The following GLRA3 variants were observed in gnomAD, a reference collection of about 807,000 sequenced individuals.
The protein encoded by GLRA3 is glycine receptor subunit alpha-3.
GLRA3 carries 44 observed loss-of-function variants against 60.4 expected under a neutral mutation model. The observed-to-expected ratio is 0.73, with a 90% CI of 0.57 to 0.94. The LOEUF (loss-of-function observed/expected upper bound fraction) is 0.94, where lower values mean the gene tolerates loss of function less well. GLRA3 is among the 40% of genes least tolerant of loss of function. The probability of loss-of-function intolerance (pLI) is 0.00; values close to 1 mark genes in which losing one functional copy is unlikely to be tolerated. For synonymous variants in GLRA3, 223 were observed against 192.9 expected, an observed-to-expected ratio of 1.16 and a Z score of -1.29; for missense variants, 508 against 564.6, an observed-to-expected ratio of 0.90 and a Z score of 1.02.
chr4:174,705,757 T>C (rs1170086487), intron 5 of GLRA3, among the ~76,000 whole-genome samples: 1 of 138,960 alleles, frequency 7.2e-6, no homozygotes, highest in South Asian at 2.3e-4. Context: ...ATCACTGTCT[T>C]AATTTTTGCT....
chr4:174,749,466 A>T (rs914576492), intron 3 of GLRA3, among the ~76,000 whole-genome samples: 1 of 152,126 alleles, frequency 6.6e-6, no homozygotes, highest in African/African-American at 2.4e-5. Flanking sequence ...CCATTAAATG[A>T]TAGGATACTA....
chr4:174,794,709 C>A (rs74592069), intron 1 of GLRA3, among the ~76,000 whole-genome samples: 2,062 of 152,248 alleles, frequency 0.014, 60 homozygotes, highest in African/African-American at 0.047. Context: ...TATCTCATTT[C>A]TTTTGATGTA....
At chr4:174,762,686 A>G (rs1737985742) in intron 3 of GLRA3, among the ~76,000 whole-genome samples, 1 of 152,174 alleles carries the variant, frequency 6.6e-6, no homozygotes, top group Non-Finnish European at 1.5e-5. Context: ...TTGGCGTGTT[A>G]AATTTTAAAT....
chr4:174,825,249 T>C (rs952927468), intron 1 of GLRA3, among the ~76,000 whole-genome samples: 1 of 152,092 alleles, frequency 6.6e-6, no homozygotes, highest in Non-Finnish European at 1.5e-5. Flanking sequence ...CCTAGAAATA[T>C]AGTTTTCTTC....
chr4:174,775,230 A>G (rs1009248908), intron 2 of GLRA3, among the ~76,000 whole-genome samples: 2 of 152,168 alleles, frequency 1.3e-5, no homozygotes, highest in Admixed American at 6.5e-5. Flanking sequence ...AATGTTATTC[A>G]AGAACAATAG....
In GLRA3 at chr4:174,693,500, C is replaced by T. The variant is rs182388499; in HGVS notation, c.575-10561G>A. ...TCATCTTCTTTCTGGGCTCTCTATT[C>T]TGTTCAGTTGGTCTATATGTCTGTT... On this transcript the variant is annotated intron_variant, in intron 5 of 9. Transcript: ENST00000274093. 1.3e-3 allele frequency among the ~76,000 whole-genome samples: 202 copies of T among 152,130 alleles called. 2 individuals are homozygous for T. Among genetic ancestry groups the T allele is most frequent in the African/African-American group, 4.8e-3 (199 of 41,496 alleles).
intron 3 of GLRA3, among the ~76,000 whole-genome samples, chr4:174,740,387 T>G (rs1223962654): frequency 6.6e-6 from 1 of 152,086 alleles, no homozygotes; most frequent in African/African-American, 2.4e-5. Flanking sequence ...ATGTAAGAAC[T>G]CTGGTCAACA....
intron 9 of GLRA3, among the ~76,000 whole-genome samples, chr4:174,650,695 A>C (rs1407214322): frequency 1.3e-5 from 2 of 152,168 alleles, no homozygotes; most frequent in East Asian, 3.9e-4. Context: ...TTCAAGACCA[A>C]CTCAAGGGAA....
chr4:174,753,678 C>G (rs1046181889), intron 3 of GLRA3, among the ~76,000 whole-genome samples: 11 of 152,232 alleles, frequency 7.2e-5, no homozygotes, highest in African/African-American at 2.6e-4. Context: ...TTTAATTGAT[C>G]TCTACGATAC....
At position 174,715,348 on chromosome 4, in the gene GLRA3, G is replaced by T. The variant is rs572515102; in HGVS notation, c.574+140C>A. The T allele has an allele frequency of 3.9e-5, 21 of 535,320 alleles. No homozygotes were observed. The East Asian group carries it at 5.5e-4, about 14-fold the overall frequency. 33.2% of individuals were successfully genotyped at this position (535,320 alleles called of 1,614,324 possible). A position where few individuals can be genotyped will look rare whatever the true frequency, so the allele number is the denominator to read the frequency against. ...GTGTTGATAGGTATCATTATTTTCA[G>T]TACCTGGTGAAAGGTTACATGCCTA... On this transcript the variant is annotated intron_variant, in intron 5 of 9. Transcript: ENST00000274093.
intron 1 of GLRA3, among the ~76,000 whole-genome samples, chr4:174,790,357 A>G (rs956387119): frequency 6.6e-6 from 1 of 151,816 alleles, no homozygotes; most frequent in Non-Finnish European, 1.5e-5. Flanking sequence ...TTATTCTAAT[A>G]CAAAAATCAT....
chr4:174,675,273 CT>C (rs1734071933), intron 7 of GLRA3, among the ~76,000 whole-genome samples: 1 of 152,066 alleles, frequency 6.6e-6, no homozygotes, highest in Admixed American at 6.6e-5. Context: ...AAATTAAAGC[CT>C]TTTAAAAATG....
intron 2 of GLRA3, among the ~76,000 whole-genome samples, chr4:174,772,759 T>C (rs1738441884): frequency 6.6e-6 from 1 of 152,128 alleles, no homozygotes; most frequent in South Asian, 2.1e-4. Context: ...GTGTAGGAAC[T>C]AACATGACTC....
chr4:174,776,455 T>C (rs1253024387), intron 2 of GLRA3, among the ~76,000 whole-genome samples: 1 of 151,674 alleles, frequency 6.6e-6, no homozygotes, highest in Non-Finnish European at 1.5e-5. Context: ...TAAACATAAT[T>C]TATCCTGCAG....
At position 174,741,372 on chromosome 4, in the gene GLRA3, C is replaced by T. The variant is rs550530056; in HGVS notation, c.268-12674G>A. ...TAGTGTTTTCTACCTATTTGCAATG[C>T]GTATATCTTTTTAGTGAAGTGTAAC... On this transcript the variant is annotated intron_variant, in intron 3 of 9. Transcript: ENST00000274093. Among the ~76,000 whole-genome samples the T allele has an allele frequency of 5.3e-5, 8 of 152,180 alleles. No homozygotes were observed. In the South Asian group the frequency reaches 1.2e-3, roughly 24 times the overall value.
At position 174,739,998 on chromosome 4, in the gene GLRA3, G is replaced by C. The variant is rs78294202; in HGVS notation, c.268-11300C>G. 6.3e-3 allele frequency among the ~76,000 whole-genome samples: 964 copies of C among 152,154 alleles called. 9 individuals carry two copies. Among genetic ancestry groups the C allele is most frequent in the African/African-American group, 0.022 (923 of 41,514 alleles). ...TATTGCAGTTTTCCTATTCTGTATC[G>C]CCTCTGTAGGCTGACTTTGTGTGGG... is the stretch of plus-strand genomic sequence containing the variant. On this transcript the variant is annotated intron_variant, in intron 3 of 9. Transcript: ENST00000274093.
At chr4:174,699,191 A>G (rs12641804) in intron 5 of GLRA3, among the ~76,000 whole-genome samples, 115,684 of 151,458 alleles carry the variant, frequency 0.76, 44,497 homozygotes, top group South Asian at 0.82. Flanking sequence ...TAGTAGAGAC[A>G]GGGTTTCACC....
At chr4:174,819,432 A>C (rs952851991) in intron 1 of GLRA3, among the ~76,000 whole-genome samples, 1 of 152,178 alleles carries the variant, frequency 6.6e-6, no homozygotes, top group Non-Finnish European at 1.5e-5. Flanking sequence ...CATATTCTCT[A>C]TTCCACATGG....
chr4:174,805,476 C>A (rs1269662698), intron 1 of GLRA3, among the ~76,000 whole-genome samples: 1 of 152,076 alleles, frequency 6.6e-6, no homozygotes, highest in Non-Finnish European at 1.5e-5. Flanking sequence ...GGGCTTCTAC[C>A]AGTAGGCTTC....
Sources: gnomAD v4.1 joint callset for allele counts (sites outside exome capture counted in the v4.1 genomes callset) on GRCh38, gnomAD v4.1.1 for gene constraint, MANE v1.5 for transcripts, NCBI Gene and HGNC (gene_info 2026-07-23, HGNC 2026-07-21) for gene names.